Variants in RAB3C observed in about 807,000 individuals in gnomAD.
RAB3C encodes RAB3C, member RAS oncogene family, also known as ras-related protein Rab-3C.
Under a neutral mutation model 26.4 loss-of-function variants are expected in RAB3C, and 17 were observed. The observed-to-expected ratio is 0.64, with a 90% CI of 0.44 to 0.97. The LOEUF (loss-of-function observed/expected upper bound fraction) is 0.97. Ranked by LOEUF, RAB3C falls within the 50% of genes least tolerant of loss-of-function variation. RAB3C has a pLI of 0.00. For synonymous variants in RAB3C, 91 were observed against 95.9 expected (o/e 0.95, Z 0.30); for missense variants, 242 against 281.9 (o/e 0.86, Z 1.01).
chr5:58,744,998 G>T (rs1433604638), intron 3 of RAB3C, among the ~76,000 whole-genome samples: 1 of 151,990 alleles, frequency 6.6e-6, no homozygotes, highest in Non-Finnish European at 1.5e-5. Context: ...TGCCTTTTTG[G>T]CCTATCTCTC....
Position 58,686,823 on chromosome 5 carries a change from C to T in RAB3C, c.253-39179C>T, listed in dbSNP as rs78183813. On this transcript the variant is annotated intron_variant, in intron 2 of 4. Transcript: ENST00000282878. ...AATAAATTTATAGGTAACAGGGTATCCTCTTGGCCCATCCAGTTGTCCAGC... is the reference window on the plus strand; with the variant it reads ...AATAAATTTATAGGTAACAGGGTATTCTCTTGGCCCATCCAGTTGTCCAGC... 6.4e-3 allele frequency among the ~76,000 whole-genome samples: 972 copies of T among 152,130 alleles called. 5 individuals are homozygous for T. Among genetic ancestry groups the T allele is most frequent in the Non-Finnish European group, 0.01 (694 of 67,984 alleles).
intron 3 of RAB3C, among the ~76,000 whole-genome samples, chr5:58,790,518 C>T (rs766160065): frequency 9.2e-5 from 14 of 152,016 alleles, no homozygotes; most frequent in East Asian, 1.9e-4. Context: ...CATTTAAACC[C>T]GCAAGGAATG....
chr5:58,759,654 T>A (rs560487532), intron 3 of RAB3C, among the ~76,000 whole-genome samples: 2 of 152,286 alleles, frequency 1.3e-5, no homozygotes, highest in South Asian at 4.1e-4. Context: ...GATGGAGTGG[T>A]TTTCGAATCT....
At chr5:58,790,434 T>G (rs1742495130) in intron 3 of RAB3C, among the ~76,000 whole-genome samples, 1 of 152,182 alleles carries the variant, frequency 6.6e-6, no homozygotes, top group Non-Finnish European at 1.5e-5. Context: ...ATGCTCAAAT[T>G]AAATGCTCTA....
Position 58,838,891 on chromosome 5 carries a change from G to A in RAB3C, c.497-12273G>A, listed in dbSNP as rs375716166. On this transcript the variant is annotated intron_variant, in intron 4 of 4. Coordinates refer to ENST00000282878, the MANE Select transcript of RAB3C (RefSeq NM_138453.4). ...ATGTATCTGGGTGCTGTGGTGTCAG[G>A]TGCATATATATTTATAAGTGTTATA... 1.4e-3 allele frequency among the ~76,000 whole-genome samples: 216 copies of A among 152,114 alleles called. 5 individuals carry two copies. Among genetic ancestry groups the A allele is most frequent in the African/African-American group, 4.8e-3 (200 of 41,482 alleles).
At chr5:58,822,154 C>T (rs944269998) in intron 3 of RAB3C, among the ~76,000 whole-genome samples, 2 of 152,208 alleles carry the variant, frequency 1.3e-5, no homozygotes, top group African/African-American at 4.8e-5. Context: ...AGCTTCCTCT[C>T]AGCTTCCTGT....
chr5:58,585,611 C>A (rs1265786456), intron 1 of RAB3C, among the ~76,000 whole-genome samples: 1 of 151,970 alleles, frequency 6.6e-6, no homozygotes, highest in Non-Finnish European at 1.5e-5. Flanking sequence ...TCCCAATTTA[C>A]TTCTTGTATT....
At chr5:58,630,365 G>A (rs527854333) in intron 2 of RAB3C, among the ~76,000 whole-genome samples, 3 of 151,728 alleles carry the variant, frequency 2.0e-5, no homozygotes, top group East Asian at 3.9e-4. Context: ...TTTTTATGTG[G>A]GTTATATCTA....
At chr5:58,801,325 A>C (rs1237006890) in intron 3 of RAB3C, among the ~76,000 whole-genome samples, 1 of 152,204 alleles carries the variant, frequency 6.6e-6, no homozygotes, top group Non-Finnish European at 1.5e-5. Context: ...AAATGACAAC[A>C]TGCAGTATTT....
chr5:58,591,849 A>G (rs1428494868), intron 1 of RAB3C, among the ~76,000 whole-genome samples: 4 of 139,568 alleles, frequency 2.9e-5, no homozygotes, highest in Non-Finnish European at 6.3e-5. Flanking sequence ...GCTTAATTAC[A>G]TATTTTTAGG....
chr5:58,819,183 A>G (rs552772378), intron 3 of RAB3C, among the ~76,000 whole-genome samples: 4 of 152,346 alleles, frequency 2.6e-5, no homozygotes, highest in South Asian at 2.1e-4. Flanking sequence ...ACCTAAAACC[A>G]TATTTGGCCT....
intron 4 of RAB3C, among the ~76,000 whole-genome samples, chr5:58,833,559 C>A (rs1743668497): frequency 6.6e-6 from 1 of 151,964 alleles, no homozygotes; most frequent in Non-Finnish European, 1.5e-5. Context: ...GAATTAGAGG[C>A]ATAAAAGATG....
At chr5:58,661,583 A>T (rs1747906340) in intron 2 of RAB3C, among the ~76,000 whole-genome samples, 2 of 148,292 alleles carry the variant, frequency 1.3e-5, no homozygotes, top group African/African-American at 5.2e-5. Context: ...GATGAAATAG[A>T]TCTAGCTTTG....
intron 3 of RAB3C, among the ~76,000 whole-genome samples, chr5:58,779,626 T>A (rs1181584865): frequency 2.6e-5 from 4 of 151,994 alleles, no homozygotes; most frequent in Non-Finnish European, 5.9e-5. Context: ...GGCTTCAGGA[T>A]ATCCTCCCAT....
chr5:58,682,556 C>T (rs1579855189), intron 2 of RAB3C, among the ~76,000 whole-genome samples: 1 of 151,820 alleles, frequency 6.6e-6, no homozygotes, highest in Admixed American at 6.6e-5. Flanking sequence ...TGGTGGCGGG[C>T]GCCTATAGTC....
chr5:58,673,080 G>A (rs955968472), intron 2 of RAB3C, among the ~76,000 whole-genome samples: 17 of 152,182 alleles, frequency 1.1e-4, no homozygotes, highest in African/African-American at 4.1e-4. Flanking sequence ...AGGGCAGAGA[G>A]GATTACTAAA....
intron 2 of RAB3C, among the ~76,000 whole-genome samples, chr5:58,705,994 T>A (rs1748935564): frequency 6.6e-6 from 1 of 152,164 alleles, no homozygotes; most frequent in Non-Finnish European, 1.5e-5. Context: ...ATACTGGATA[T>A]TACATTTTTG....
At chr5:58,672,026 T>C (rs1326317460) in intron 2 of RAB3C, among the ~76,000 whole-genome samples, 1 of 152,186 alleles carries the variant, frequency 6.6e-6, no homozygotes, top group Admixed American at 6.5e-5. Context: ...TGGCATATTA[T>C]AAACTAGGGG....
intron 1 of RAB3C, among the ~76,000 whole-genome samples, chr5:58,610,261 G>A (rs748651729): frequency 6.9e-6 from 1 of 144,636 alleles, no homozygotes; most frequent in Non-Finnish European, 1.5e-5. Flanking sequence ...ATCCCTAGGA[G>A]TGGGATTGTT....
Sources: allele counts gnomAD v4.1 joint callset (sites outside exome capture counted in the v4.1 genomes callset), GRCh38; gene constraint gnomAD v4.1.1; transcripts MANE v1.5; gene names NCBI Gene and HGNC (gene_info 2026-07-23, HGNC 2026-07-21).